The following UBE2H variants were observed in gnomAD, a reference collection of about 807,000 sequenced individuals.
UBE2H encodes ubiquitin-conjugating enzyme E2 H.
UBE2H carries 3 observed loss-of-function variants against 29.0 expected under a neutral mutation model. The ratio of observed to expected loss-of-function variants is 0.10; its 90% CI spans 0.05 to 0.27. The LOEUF (loss-of-function observed/expected upper bound fraction) is 0.27. UBE2H is among the 10% of genes least tolerant of loss of function. The pLI, the probability that UBE2H is intolerant of heterozygous loss-of-function variation, is 1.00. For synonymous variants in UBE2H, 69 were observed against 82.9 expected (o/e 0.83, Z 0.91); for missense variants, 68 against 228.2 (o/e 0.30, Z 4.52).
At chr7:129,841,882 A>T (rs1388769962) in intron 5 of UBE2H, among the ~76,000 whole-genome samples, 1 of 152,174 alleles carries the variant, frequency 6.6e-6, no homozygotes, top group East Asian at 1.9e-4. Flanking sequence ...CTGCAGTAAG[A>T]TTTTCACCAA....
At chr7:129,938,758 A>G (rs1807583232) in intron 1 of UBE2H, among the ~76,000 whole-genome samples, 1 of 149,836 alleles carries the variant, frequency 6.7e-6, no homozygotes, top group Non-Finnish European at 1.5e-5. Flanking sequence ...CCCTCACAAG[A>G]TTATGTACTT....
intron 5 of UBE2H, among the ~76,000 whole-genome samples, chr7:129,852,658 G>C (rs770915373): frequency 6.6e-6 from 1 of 152,070 alleles, no homozygotes; most frequent in Non-Finnish European, 1.5e-5. Context: ...GCAACCCTAA[G>C]AGTGAAAATG....
At chr7:129,951,350 G>C (rs1807871106) in intron 1 of UBE2H, 1 of 152,188 alleles carries the variant, frequency 6.6e-6, no homozygotes, top group African/African-American at 2.4e-5. Flanking sequence ...TGGGGGGATG[G>C]GGAGGAGGGA....
At chr7:129,931,520 A>G (rs1315999339) in intron 1 of UBE2H, among the ~76,000 whole-genome samples, 1 of 152,198 alleles carries the variant, frequency 6.6e-6, no homozygotes, top group African/African-American at 2.4e-5. Flanking sequence ...TCTTTAAGAA[A>G]AAAAAAACTA....
In UBE2H at chr7:129,833,149, G is replaced by T. The variant is rs1358834204; in HGVS notation, c.*1788C>A. 1 of 151,352 alleles carries T rather than the reference G, an allele frequency of 6.6e-6. No homozygotes were observed. Among genetic ancestry groups the T allele is most frequent in the Non-Finnish European group, 1.5e-5 (1 of 67,882 alleles). 9.4% of individuals were successfully genotyped at this position (151,352 alleles called of 1,614,324 possible). A position where few individuals can be genotyped will look rare whatever the true frequency, so the allele number is the denominator to read the frequency against. On this transcript the variant is annotated 3_prime_UTR_variant, in exon 7 of 7. Transcript: ENST00000355621. The stretch of plus-strand genomic sequence containing the variant: ...GCTTCATGCCCGTAATTAACATAAA[G>T]TAAGTAAATTCTTTGTCTTTTTATT...
intron 1 of UBE2H, among the ~76,000 whole-genome samples, chr7:129,883,658 A>C (rs1422652198): frequency 6.6e-6 from 1 of 152,364 alleles, no homozygotes; most frequent in Admixed American, 6.5e-5. Flanking sequence ...CCTGGCCAAC[A>C]TGGCGAAACC....
chr7:129,941,037 C>T (rs933479492), intron 1 of UBE2H, among the ~76,000 whole-genome samples: 2 of 152,210 alleles, frequency 1.3e-5, no homozygotes, highest in Non-Finnish European at 2.9e-5. Flanking sequence ...TCACTGCAAC[C>T]TCCACCTCCC....
chr7:129,940,525 C>T (rs866858728), intron 1 of UBE2H, among the ~76,000 whole-genome samples: 1 of 152,182 alleles, frequency 6.6e-6, no homozygotes, highest in Non-Finnish European at 1.5e-5. Flanking sequence ...CAAGGGCTAC[C>T]TACTCCTCTC....
chr7:129,943,790 T>C (rs1240787491), intron 1 of UBE2H, among the ~76,000 whole-genome samples: 2 of 151,886 alleles, frequency 1.3e-5, no homozygotes, highest in African/African-American at 4.8e-5. Context: ...TAATCCCAGC[T>C]ACTCGGGAGG....
At chr7:129,947,743 C>T (rs893469505) in intron 1 of UBE2H, among the ~76,000 whole-genome samples, 1 of 15,538 alleles carries the variant, frequency 6.4e-5, no homozygotes, top group African/African-American at 8.4e-5. Context: ...CTGTCCTTTC[C>T]GACTAAAAAA....
chr7:129,893,746 T>C (rs1359329707), intron 1 of UBE2H, among the ~76,000 whole-genome samples: 1 of 152,246 alleles, frequency 6.6e-6, no homozygotes, highest in Non-Finnish European at 1.5e-5. Flanking sequence ...ATAGTGCATA[T>C]TTGCTTACTT....
intron 1 of UBE2H, among the ~76,000 whole-genome samples, chr7:129,906,127 A>T (rs1806810451): frequency 6.6e-6 from 1 of 152,172 alleles, no homozygotes; most frequent in Non-Finnish European, 1.5e-5. Context: ...GCAATAATAG[A>T]TGAAATCACT....
chr7:129,861,205 C>T (rs186082978), intron 3 of UBE2H, among the ~76,000 whole-genome samples: 320 of 150,828 alleles, frequency 2.1e-3, no homozygotes, highest in African/African-American at 7.2e-3. Context: ...GCCTGGGTGA[C>T]GGAGTGAGAC....
At chr7:129,921,694 CAAAAAAA>C (rs1047164274) in intron 1 of UBE2H, among the ~76,000 whole-genome samples, 17 of 68,510 alleles carry the variant, frequency 2.5e-4, no homozygotes, top group African/African-American at 8.1e-4. Context: ...GACTCTGTCA[CAAAAAAA>C]AAAAAAAAAA....
At chr7:129,891,526 G>A (rs1003524250) in intron 1 of UBE2H, among the ~76,000 whole-genome samples, 6 of 152,096 alleles carry the variant, frequency 3.9e-5, no homozygotes, top group Admixed American at 2.0e-4. Context: ...TAAATAGGCC[G>A]GGCATGGTAG....
intron 3 of UBE2H, among the ~76,000 whole-genome samples, chr7:129,876,239 A>G (rs1341591464): frequency 1.3e-5 from 2 of 152,198 alleles, no homozygotes; most frequent in East Asian, 3.8e-4. Context: ...ATTTTCTAGC[A>G]GAGAAAACAA....
At chr7:129,928,517 T>C (rs1000002044) in intron 1 of UBE2H, among the ~76,000 whole-genome samples, 1 of 152,152 alleles carries the variant, frequency 6.6e-6, no homozygotes, top group Non-Finnish European at 1.5e-5. Flanking sequence ...GCAGAAGAAT[T>C]GCTTGAACTC....
intron 3 of UBE2H, among the ~76,000 whole-genome samples, chr7:129,869,128 G>T (rs1805977757): frequency 6.6e-6 from 1 of 152,006 alleles, no homozygotes; most frequent in Non-Finnish European, 1.5e-5. Flanking sequence ...TATAGAGACG[G>T]GGTTTCTCTA....
At chr7:129,896,465 T>G (rs1806603180) in intron 1 of UBE2H, among the ~76,000 whole-genome samples, 1 of 152,224 alleles carries the variant, frequency 6.6e-6, no homozygotes, top group South Asian at 2.1e-4. Flanking sequence ...AGTGGCGAGA[T>G]CCCGGCTCAG....
Sources: gnomAD v4.1 joint callset for allele counts (sites outside exome capture counted in the v4.1 genomes callset) on GRCh38, gnomAD v4.1.1 for gene constraint, MANE v1.5 for transcripts, NCBI Gene and HGNC (gene_info 2026-07-23, HGNC 2026-07-21) for gene names.